The following PPP4R4 variants were observed in gnomAD, a reference collection of about 807,000 sequenced individuals.
The protein encoded by PPP4R4 is serine/threonine-protein phosphatase 4 regulatory subunit 4.
A neutral mutation model predicts 121.8 loss-of-function variants in PPP4R4; 70 were observed. The ratio of observed to expected loss-of-function variants is 0.57; its 90% CI spans 0.47 to 0.70. PPP4R4 has a LOEUF of 0.70. Ranked by LOEUF, PPP4R4 falls within the 30% of genes least tolerant of loss-of-function variation. The pLI is 0.00. For synonymous variants in PPP4R4, 348 were observed against 355.7 expected, an observed-to-expected ratio of 0.98 and a Z score of 0.24; for missense variants, 875 against 1,033.6, an observed-to-expected ratio of 0.85 and a Z score of 2.10.
At chr14:94,174,625 C>A in intron 1 of PPP4R4, 43 bp downstream of exon 1, 1 of 1,601,636 alleles carries the variant, frequency 6.2e-7, no homozygotes, top group South Asian at 1.1e-5. Flanking sequence ...CGTCCGGCCG[C>A]CTGCCCCGCG....
intron 16 of PPP4R4, among the ~76,000 whole-genome samples, chr14:94,253,181 G>A (rs1893281170): frequency 6.6e-6 from 1 of 152,200 alleles, no homozygotes. Context: ...TTTTGGGCTG[G>A]GCGTCATGGC....
chr14:94,265,585 A>G, intron 21 of PPP4R4, 112 bp downstream of exon 21: 1 of 1,006,062 alleles, frequency 9.9e-7, no homozygotes, highest in Non-Finnish European at 1.5e-6. Context: ...ATCTCATTCT[A>G]AAGCACTTTT....
At chr14:94,264,548 T>G (rs1438842824) in intron 19 of PPP4R4, among the ~76,000 whole-genome samples, 1 of 152,188 alleles carries the variant, frequency 6.6e-6, no homozygotes, top group Non-Finnish European at 1.5e-5. Flanking sequence ...ATTTAGCCAT[T>G]TACCAATCTG....
intron 3 of PPP4R4, chr14:94,227,553 T>G (rs914127210): frequency 3.8e-6 from 5 of 1,313,538 alleles, no homozygotes; most frequent in Non-Finnish European, 4.8e-6. Flanking sequence ...GACTTGAGGA[T>G]TTTTCGAAAA....
chr14:94,230,323 C>A (rs1320861405), intron 3 of PPP4R4, among the ~76,000 whole-genome samples: 2 of 152,104 alleles, frequency 1.3e-5, no homozygotes, highest in African/African-American at 4.8e-5. Flanking sequence ...GGTTTATGTA[C>A]TGTTTATAAT....
At chr14:94,227,031 C>T (rs1891748645) in intron 3 of PPP4R4, among the ~76,000 whole-genome samples, 2 of 152,120 alleles carry the variant, frequency 1.3e-5, no homozygotes, top group Admixed American at 1.3e-4. Flanking sequence ...TGTTGTTTTA[C>T]AAAATGCTTT....
intron 3 of PPP4R4, among the ~76,000 whole-genome samples, chr14:94,221,422 G>A (rs569032620): frequency 6.6e-6 from 1 of 152,162 alleles, no homozygotes; most frequent in African/African-American, 2.4e-5. Flanking sequence ...AAGTCAGAAT[G>A]GGAGAAAATA....
chr14:94,223,828 A>C (rs8011557), intron 3 of PPP4R4, among the ~76,000 whole-genome samples: 193 of 151,014 alleles, frequency 1.3e-3, no homozygotes, highest in African/African-American at 3.0e-3. Flanking sequence ...TAACCCCAAC[A>C]TTTCTATTTA....
chr14:94,205,095 T>A (rs921322247), intron 2 of PPP4R4, among the ~76,000 whole-genome samples: 1 of 152,202 alleles, frequency 6.6e-6, no homozygotes, highest in Non-Finnish European at 1.5e-5. Flanking sequence ...TGCCACCTCC[T>A]CTTCTCTTTT....
intron 11 of PPP4R4, among the ~76,000 whole-genome samples, chr14:94,244,395 CCCATT>C (rs891425626): frequency 1.3e-5 from 2 of 152,132 alleles, no homozygotes; most frequent in Admixed American, 6.5e-5. Context: ...TCTGGTAAAT[CCCATT>C]CTTTTGTATT....
chr14:94,235,621 G>A (rs1306465102), intron 7 of PPP4R4, among the ~76,000 whole-genome samples: 1 of 151,486 alleles, frequency 6.6e-6, no homozygotes, highest in Non-Finnish European at 1.5e-5. Flanking sequence ...GGATGGTCTC[G>A]ATCTCCTGAC....
At chr14:94,191,684 G>C (rs984830885) in intron 2 of PPP4R4, among the ~76,000 whole-genome samples, 31 of 152,130 alleles carry the variant, frequency 2.0e-4, no homozygotes, top group African/African-American at 7.5e-4. Context: ...AGCTAAAGAG[G>C]AGTTTATCTC....
intron 19 of PPP4R4, 60 bp downstream of exon 19, chr14:94,259,429 T>A (rs185756456): frequency 3.8e-5 from 54 of 1,430,250 alleles, no homozygotes; most frequent in East Asian, 7.8e-5. Context: ...TGTGTTTTTT[T>A]ATTAAACTTA....
intron 2 of PPP4R4, among the ~76,000 whole-genome samples, chr14:94,201,625 A>C (rs184647547): frequency 1.7e-3 from 265 of 152,222 alleles, no homozygotes; most frequent in African/African-American, 6.1e-3. Flanking sequence ...TGTCTGATGT[A>C]AGAATAGCTA....
intron 3 of PPP4R4, among the ~76,000 whole-genome samples, chr14:94,218,347 TAC>T (rs936900748): frequency 1.1e-4 from 14 of 128,440 alleles, no homozygotes; most frequent in South Asian, 5.2e-4. Context: ...CACACACACA[TAC>T]ACACACACCC....
In PPP4R4 at chr14:94,250,102, T is replaced by G. The variant is rs982659996; in HGVS notation, c.1612-70T>G. Reference sequence around the variant, plus strand: ...AGTTTTGTCAATAACTTAAAATTGATTTGGTGGGGTCAAATTATCTAGACT... The same window carrying G: ...AGTTTTGTCAATAACTTAAAATTGAGTTGGTGGGGTCAAATTATCTAGACT... On this transcript the variant is annotated intron_variant, in intron 14 of 24. Transcript: ENST00000304338. 9.8e-6 allele frequency: 10 copies of G among 1,017,740 alleles called. No individual in the cohort carries two copies. In the African/African-American group the frequency reaches 1.4e-4, roughly 15 times the overall value. 63.0% of individuals were successfully genotyped at this position (1,017,740 alleles called of 1,614,324 possible).
intron 2 of PPP4R4, among the ~76,000 whole-genome samples, chr14:94,196,309 G>GTTTTT (rs5810663): frequency 1.1e-4 from 10 of 88,358 alleles, no homozygotes; most frequent in South Asian, 4.1e-4. Flanking sequence ...TCTTTCAAAG[G>GTTTTT]TTTTTTTTTT....
In PPP4R4 at chr14:94,266,730, A is replaced by T. The variant is rs186570447; in HGVS notation, c.2379-229A>T. Among the ~76,000 whole-genome samples, 1,290 of 152,256 alleles carry T rather than the reference A, an allele frequency of 8.5e-3. 6 individuals carry two copies. Among genetic ancestry groups the T allele is most frequent in the Non-Finnish European group, 0.012 (843 of 67,978 alleles). On this transcript the variant is annotated intron_variant, in intron 22 of 24. Coordinates refer to ENST00000304338, the MANE Select transcript of PPP4R4 (RefSeq NM_058237.2). Reference sequence around the variant, plus strand: ...TTAGCTGCCTTGCTTGAACCTCAAAAGAAAAACTGTAATTCTGATGAAGCA... The same window carrying T: ...TTAGCTGCCTTGCTTGAACCTCAAATGAAAAACTGTAATTCTGATGAAGCA...
At chr14:94,216,959 A>C (rs1891054303) in intron 3 of PPP4R4, among the ~76,000 whole-genome samples, 1 of 152,144 alleles carries the variant, frequency 6.6e-6, no homozygotes, top group African/African-American at 2.4e-5. Context: ...GTCTGCCACC[A>C]GTGGGGATAG....
Sources: gnomAD v4.1 joint callset for allele counts (sites outside exome capture counted in the v4.1 genomes callset) on GRCh38, gnomAD v4.1.1 for gene constraint, MANE v1.5 for transcripts, NCBI Gene and HGNC (gene_info 2026-07-23, HGNC 2026-07-21) for gene names.